Variants in DPP6 observed in about 807,000 individuals in gnomAD.
DPP6 encodes dipeptidyl peptidase like 6.
In DPP6, 69 loss-of-function variants were observed where a neutral mutation model predicts 122.6. The observed-to-expected ratio is 0.56, with a 90% confidence interval of 0.46 to 0.69. The LOEUF (loss-of-function observed/expected upper bound fraction) is 0.69, where lower values mean the gene tolerates loss of function less well. Among genes scored for constraint, DPP6 ranks in the 30% least tolerant of loss-of-function variants. DPP6 has a pLI of 0.00. For missense variants in DPP6, 928 were observed against 1,116.9 expected (o/e 0.83, Z 2.41); for synonymous variants, 418 against 433.1 (o/e 0.97, Z 0.43).
At chr7:154,729,118 G>C (rs78797567) in intron 8 of DPP6, among the ~76,000 whole-genome samples, 387 of 152,332 alleles carry the variant, frequency 2.5e-3, no homozygotes, top group Admixed American at 6.9e-3. Context: ...CGTTGTCCAA[G>C]CTCAGGGTAA....
intron 7 of DPP6, 145 bp from the exon 8 acceptor site, chr7:154,727,622 C>G: frequency 8.6e-7 from 1 of 1,161,330 alleles, no homozygotes; most frequent in Non-Finnish European, 1.2e-6. Context: ...GGTAGACCTC[C>G]AAGAATTTTG....
rs183877611 is a variant in DPP6, at chr7:154,243,148, C to G, written c.243+190085C>G. The stretch of plus-strand genomic sequence containing the variant: ...ATTTCCCTGCTGCCAAAACAAAACT[C>G]AGAGCACTTCTAATTTAAAAAGAGA... On this transcript the variant is annotated intron_variant, in intron 1 of 25. Transcript: ENST00000377770. 2.0e-5 allele frequency among the ~76,000 whole-genome samples: 3 copies of G among 152,278 alleles called. No homozygotes were observed. In the East Asian group the frequency reaches 5.8e-4, roughly 29 times the overall value.
At chr7:154,294,691 T>A (rs540337672) in intron 1 of DPP6, among the ~76,000 whole-genome samples, 3 of 151,880 alleles carry the variant, frequency 2.0e-5, no homozygotes, top group Admixed American at 2.0e-4. Context: ...GGGAGCAGAG[T>A]TTCTGGGAAA....
At chr7:154,097,091 C>T (rs550773098) in intron 1 of DPP6, among the ~76,000 whole-genome samples, 2 of 152,210 alleles carry the variant, frequency 1.3e-5, no homozygotes, top group Non-Finnish European at 2.9e-5. Flanking sequence ...TGGAGGACGC[C>T]CAGCCTCCCC....
At chr7:154,694,712 G>A (rs1398294564) in intron 7 of DPP6, among the ~76,000 whole-genome samples, 1 of 152,186 alleles carries the variant, frequency 6.6e-6, no homozygotes, top group East Asian at 1.9e-4. Flanking sequence ...TGATGAAGAT[G>A]AGCTTCTGAT....
chr7:154,398,279 C>T (rs1317878922), intron 1 of DPP6, among the ~76,000 whole-genome samples: 1 of 152,120 alleles, frequency 6.6e-6, no homozygotes, highest in Non-Finnish European at 1.5e-5. Flanking sequence ...AACCGAGGGG[C>T]AGATAATTTA....
chr7:153,991,591 G>T (rs1270594238), intron 1 of DPP6, among the ~76,000 whole-genome samples: 1 of 152,184 alleles, frequency 6.6e-6, no homozygotes, highest in Admixed American at 6.5e-5. Context: ...CTTAAATCCA[G>T]TGGCCTCTGG....
At chr7:154,594,488 A>T (rs1232863026) in intron 5 of DPP6, among the ~76,000 whole-genome samples, 3 of 152,314 alleles carry the variant, frequency 2.0e-5, no homozygotes, top group Non-Finnish European at 4.4e-5. Flanking sequence ...TTCCCCTTAG[A>T]TAGCAATAAT....
In DPP6 at chr7:154,286,832, G is replaced by C. The variant is rs1205683412; in HGVS notation, c.244-159382G>C. ...TTTTTTTTTTTTTTCTTTTGAGACA[G>C]TCTCACTCTGTCACCCAGGCTGAAG... is the stretch of plus-strand genomic sequence containing the variant. On this transcript the variant is annotated intron_variant, in intron 1 of 25. Transcript: ENST00000377770. Among the ~76,000 whole-genome samples, 3 of 148,580 alleles carry C rather than the reference G, an allele frequency of 2.0e-5. No homozygotes were observed. The Admixed American group carries it at 2.0e-4, about 10-fold the overall frequency.
intron 1 of DPP6, among the ~76,000 whole-genome samples, chr7:154,009,327 G>A (rs1483138405): frequency 9.5e-6 from 1 of 104,786 alleles, no homozygotes; most frequent in Non-Finnish European, 1.9e-5. Context: ...TGACCAGCCA[G>A]CCCAGGATTT....
At chr7:154,175,970 G>A (rs1023289087) in intron 1 of DPP6, among the ~76,000 whole-genome samples, 2 of 152,156 alleles carry the variant, frequency 1.3e-5, no homozygotes, top group Admixed American at 6.5e-5. Flanking sequence ...TTACAGGCAT[G>A]AGCCACCATG....
chr7:154,587,329 G>A (rs1414875069), intron 5 of DPP6: 1 of 385,262 alleles, frequency 2.6e-6, no homozygotes, highest in Admixed American at 4.2e-5. Flanking sequence ...TGGAGACTTA[G>A]AACCTTATTC....
intron 1 of DPP6, among the ~76,000 whole-genome samples, chr7:154,391,099 G>T (rs562522693): frequency 3.9e-5 from 6 of 152,278 alleles, no homozygotes; most frequent in Admixed American, 1.3e-4. Flanking sequence ...TGCAGCGGGC[G>T]TTCTGGAAAT....
chr7:153,808,255 G>GCGTGTGTGCCTGTGTGTGCGCA, the DPP6 span, among the ~76,000 whole-genome samples: 1 of 151,362 alleles, frequency 6.6e-6, no homozygotes, highest in South Asian at 2.1e-4. Context: ...GCACGTGCGT[G>GCGTGTGTGCCTGTGTGTGCGCA]CGTGTGTGCC....
At chr7:154,843,508 T>C (rs960665956) in intron 16 of DPP6, among the ~76,000 whole-genome samples, 2 of 152,220 alleles carry the variant, frequency 1.3e-5, no homozygotes, top group African/African-American at 4.8e-5. Context: ...TCCTTTCCCA[T>C]GACCATGGCA....
intron 1 of DPP6, among the ~76,000 whole-genome samples, chr7:154,102,013 C>T (rs1467027904): frequency 2.6e-5 from 4 of 151,268 alleles, no homozygotes; most frequent in Non-Finnish European, 4.4e-5. Context: ...CTTCGTCACT[C>T]ATTCATTCAG....
At chr7:154,507,108 G>T (rs1455704727) in intron 3 of DPP6, among the ~76,000 whole-genome samples, 4 of 152,124 alleles carry the variant, frequency 2.6e-5, no homozygotes. Flanking sequence ...GCCATTGAGT[G>T]TGTTAAGCAG....
intron 1 of DPP6, among the ~76,000 whole-genome samples, chr7:154,303,915 G>C (rs1259007708): frequency 6.6e-6 from 1 of 152,174 alleles, no homozygotes; most frequent in African/African-American, 2.4e-5. Context: ...TTTGTAAAAT[G>C]ATGGGGTGGG....
intron 6 of DPP6, among the ~76,000 whole-genome samples, chr7:154,647,923 T>A (rs1179367202): frequency 6.6e-6 from 1 of 151,924 alleles, no homozygotes; most frequent in Non-Finnish European, 1.5e-5. Flanking sequence ...CTGGTTCATG[T>A]GTGTGCTGTG....
Sources: gnomAD v4.1 joint callset for allele counts (sites outside exome capture counted in the v4.1 genomes callset) on GRCh38, gnomAD v4.1.1 for gene constraint, MANE v1.5 for transcripts, NCBI Gene and HGNC (gene_info 2026-07-23, HGNC 2026-07-21) for gene names.